Variants in PCDH15 observed in about 807,000 individuals in gnomAD.
PCDH15 encodes protocadherin related 15.
A neutral mutation model predicts 178.5 loss-of-function variants in PCDH15; 129 were observed. The observed-to-expected ratio is 0.72, with a 90% CI of 0.63 to 0.84. The LOEUF (loss-of-function observed/expected upper bound fraction) is 0.84. PCDH15 is among the 40% of genes least tolerant of loss of function. PCDH15 has a pLI of 0.00. For synonymous variants in PCDH15, 800 were observed against 732.0 expected (o/e 1.09, Z -1.50); for missense variants, 2,230 against 2,099.9 (o/e 1.06, Z -1.21).
chr10:54,948,330 C>T (rs1838242874), intron 2 of PCDH15, among the ~76,000 whole-genome samples: 1 of 151,926 alleles, frequency 6.6e-6, no homozygotes, highest in African/African-American at 2.4e-5. Context: ...GGAGATTCCC[C>T]TTAGTTTTTT....
At chr10:54,021,466 C>G (rs2135299633) in intron 19 of PCDH15, among the ~76,000 whole-genome samples, 1 of 152,080 alleles carries the variant, frequency 6.6e-6, no homozygotes. Flanking sequence ...AATTTTCAAT[C>G]AACGCCATTA....
At chr10:55,089,269 T>C (rs1294335668) in intron 2 of PCDH15, among the ~76,000 whole-genome samples, 3 of 152,106 alleles carry the variant, frequency 2.0e-5, no homozygotes, top group Admixed American at 6.6e-5. Context: ...ATAAAATAGT[T>C]TGTGAAAGGG....
At chr10:54,726,466 T>C (rs11004504) in intron 1 of PCDH15, among the ~76,000 whole-genome samples, 86,146 of 149,220 alleles carry the variant, frequency 0.58, 26,213 homozygotes, top group Middle Eastern at 0.72. Context: ...GTGTGTGTAT[T>C]TGAATTGACA....
At chr10:54,939,752 T>C (rs928439704) in intron 2 of PCDH15, among the ~76,000 whole-genome samples, 1 of 152,110 alleles carries the variant, frequency 6.6e-6, no homozygotes, top group Admixed American at 6.5e-5. Context: ...AAATATGACA[T>C]CTGGTGAAGA....
intron 2 of PCDH15, among the ~76,000 whole-genome samples, chr10:55,127,683 C>T (rs1837938245): frequency 1.3e-5 from 2 of 151,822 alleles, no homozygotes. Flanking sequence ...GATTCTCTTG[C>T]ATGCAGATTA....
At chr10:54,537,075 T>C (rs2084644646) in intron 2 of PCDH15, among the ~76,000 whole-genome samples, 1 of 141,734 alleles carries the variant, frequency 7.1e-6, no homozygotes, top group Non-Finnish European at 1.5e-5. Flanking sequence ...CTCAGCTCAC[T>C]GCAAGCTCCG....
At chr10:54,833,531 C>A (rs1176945518) in intron 3 of PCDH15, among the ~76,000 whole-genome samples, 1 of 152,176 alleles carries the variant, frequency 6.6e-6, no homozygotes, top group Non-Finnish European at 1.5e-5. Flanking sequence ...GAATTTCCAG[C>A]ATGCTGGCTT....
intron 10 of PCDH15, among the ~76,000 whole-genome samples, chr10:54,201,356 G>A (rs978755001): frequency 6.6e-6 from 1 of 151,706 alleles, no homozygotes; most frequent in African/African-American, 2.4e-5. Context: ...TCAAAGTTAA[G>A]GTAATACCAC....
chr10:54,938,374 G>T (rs1837960279), intron 2 of PCDH15, among the ~76,000 whole-genome samples: 1 of 150,880 alleles, frequency 6.6e-6, no homozygotes, highest in African/African-American at 2.4e-5. Flanking sequence ...ATTCATTAAA[G>T]ATATTACTTT....
In PCDH15 at chr10:54,020,369, G is replaced by A. The variant is rs767540389; in HGVS notation, c.2574C>T (p.Ser858=). ...GTGCAAAAAAGTGCTTCACTTCTGGGCTTCTTATCCGGTAAGACACATTTG... is the reference window on the plus strand; with the variant it reads ...GTGCAAAAAAGTGCTTCACTTCTGGACTTCTTATCCGGTAAGACACATTTG... ...LGANVSYRIR[S]PEVKHFFALH... Residue 858 remains serine, a synonymous_variant, in exon 20 of 38, where the codon AGC becomes AGT. Coordinates refer to ENST00000644397, the MANE Select transcript of PCDH15 (RefSeq NM_001384140.1). 6.2e-7 allele frequency: 1 copy of A among 1,613,770 alleles called. No individual in the cohort carries two copies. Among genetic ancestry groups the A allele is most frequent in the Non-Finnish European group, 8.5e-7 (1 of 1,179,800 alleles).
At chr10:55,300,001 G>A (rs935620771) in intron 1 of PCDH15, among the ~76,000 whole-genome samples, 5 of 151,994 alleles carry the variant, frequency 3.3e-5, no homozygotes, top group African/African-American at 9.7e-5. Context: ...AAATGCATTC[G>A]TTTTATCAAT....
intron 1 of PCDH15, among the ~76,000 whole-genome samples, chr10:55,223,685 C>A (rs2132187839): frequency 6.6e-6 from 1 of 152,146 alleles, no homozygotes; most frequent in South Asian, 2.1e-4. Flanking sequence ...TTATCAACAA[C>A]CAGGCCTTGT....
intron 20 of PCDH15, among the ~76,000 whole-genome samples, chr10:54,013,986 G>T (rs549062283): frequency 1.7e-4 from 26 of 151,484 alleles, no homozygotes; most frequent in African/African-American, 6.1e-4. Flanking sequence ...TTATTTGAAA[G>T]AATTAATTAG....
chr10:54,863,674 G>C (rs1318102916), intron 3 of PCDH15, among the ~76,000 whole-genome samples: 1 of 152,146 alleles, frequency 6.6e-6, no homozygotes, highest in Non-Finnish European at 1.5e-5. Context: ...TCCAAGTGTT[G>C]GAAATGCAAA....
chr10:54,421,660 G>GTATA (rs1341426935), intron 3 of PCDH15, among the ~76,000 whole-genome samples: 1 of 84,076 alleles, frequency 1.2e-5, no homozygotes, highest in African/African-American at 5.1e-5. Flanking sequence ...TACATGTGTA[G>GTATA]TGTATATATA....
chr10:54,065,973 T>C (rs1376144319), intron 18 of PCDH15, among the ~76,000 whole-genome samples: 1 of 152,118 alleles, frequency 6.6e-6, no homozygotes, highest in Non-Finnish European at 1.5e-5. Context: ...AGTCAGAACC[T>C]TCACAGGGAA....
chr10:54,995,696 T>C (rs1487599442), intron 2 of PCDH15, among the ~76,000 whole-genome samples: 1 of 151,804 alleles, frequency 6.6e-6, no homozygotes, highest in Non-Finnish European at 1.5e-5. Flanking sequence ...GTTTGTCTTA[T>C]TGAGTTCCTT....
intron 13 of PCDH15, among the ~76,000 whole-genome samples, chr10:54,179,608 A>G (rs1398952256): frequency 6.6e-6 from 1 of 152,164 alleles, no homozygotes; most frequent in East Asian, 1.9e-4. Flanking sequence ...AAGTACAATT[A>G]TTCAGTGGTA....
chr10:53,833,665 T>C (rs1453537515), intron 29 of PCDH15, among the ~76,000 whole-genome samples: 1 of 152,096 alleles, frequency 6.6e-6, no homozygotes, highest in Non-Finnish European at 1.5e-5. Context: ...TCATTGATTT[T>C]TGCCTGTAAT....
Sources: allele counts gnomAD v4.1 joint callset (sites outside exome capture counted in the v4.1 genomes callset), GRCh38; gene constraint gnomAD v4.1.1; transcripts MANE v1.5; gene names NCBI Gene and HGNC (gene_info 2026-07-23, HGNC 2026-07-21).